Variants in MED4 observed in about 807,000 individuals in gnomAD.
MED4 encodes the protein mediator of RNA polymerase II transcription subunit 4.
In MED4, 21 loss-of-function variants were observed where a neutral mutation model predicts 35.0. That is an observed-to-expected ratio of 0.60 (90% confidence interval 0.43 to 0.86). MED4 has a LOEUF of 0.86. MED4 is among the 40% of genes least tolerant of loss of function. The probability of loss-of-function intolerance (pLI) is 0.00; values close to 1 mark genes in which losing one functional copy is unlikely to be tolerated. For synonymous variants in MED4, 138 were observed against 114.0 expected (o/e 1.21, Z -1.34); for missense variants, 300 against 319.4 (o/e 0.94, Z 0.46).
At position 48,086,374 on chromosome 13, in the gene MED4, G is replaced by T; in HGVS notation, c.271C>A (p.His91Asn). ...KLALNQGKIHHEMQVLEKEVE... is the reference protein window; with the variant it reads ...KLALNQGKIHNEMQVLEKEVE... Reference sequence around the variant, plus strand: ...TCTTTTTCTAAAACTTGCATTTCATGATGAATTTTTCCCTGATTAAGTGCC... The same window carrying T: ...TCTTTTTCTAAAACTTGCATTTCATTATGAATTTTTCCCTGATTAAGTGCC... Residue 91 changes from histidine (H) to asparagine (N), a missense_variant, in exon 3 of 7, where the codon CAT (histidine) becomes AAT (asparagine). By Grantham distance (68) the His-to-Asn change is moderately conservative. Coordinates refer to ENST00000258648, the MANE Select transcript of MED4 (RefSeq NM_014166.4). 1 of 1,613,146 alleles carries T rather than the reference G, an allele frequency of 6.2e-7. No individual in the cohort carries two copies. Among genetic ancestry groups the T allele is most frequent in the Admixed American group, 1.7e-5 (1 of 59,942 alleles).
chr13:48,083,330 C>T (rs1373458872), intron 4 of MED4, 41 bp downstream of exon 4: 1 of 1,526,018 alleles, frequency 6.6e-7, no homozygotes, highest in African/African-American at 1.4e-5. Context: ...GAAACCAGAA[C>T]CTTAACTTTT....
chr13:48,079,688 G>A lies in MED4; in HGVS notation c.640+156C>T, dbSNP rs552070849. The A allele has an allele frequency of 9.4e-5, 74 of 784,438 alleles. No individual in the cohort carries two copies. In the East Asian group the frequency reaches 1.3e-3, roughly 13 times the overall value. 48.6% of individuals were successfully genotyped at this position (784,438 alleles called of 1,614,324 possible). Reference sequence around the variant, plus strand: ...CTGGGAGCCAAGATTTCGCCAACACGCTCCAGCCTGGGTGACATAACAAGA... The same window carrying A: ...CTGGGAGCCAAGATTTCGCCAACACACTCCAGCCTGGGTGACATAACAAGA... On this transcript the variant is annotated intron_variant, in intron 6 of 6. Coordinates refer to ENST00000258648, the MANE Select transcript of MED4 (RefSeq NM_014166.4).
chr13:48,085,325 C>T (rs1950841532), intron 3 of MED4, among the ~76,000 whole-genome samples: 1 of 152,070 alleles, frequency 6.6e-6, no homozygotes, highest in Non-Finnish European at 1.5e-5. Flanking sequence ...GCACACACCA[C>T]CACACCTGGC....
Position 48,081,378 on chromosome 13 carries a change from CATT to C in MED4, c.508+264_508+266del, listed in dbSNP as rs759075596. Among the ~76,000 whole-genome samples, 9 of 152,286 alleles carry C rather than the reference CATT, an allele frequency of 5.9e-5. No individual in the cohort carries two copies. The East Asian group carries it at 1.3e-3, about 23-fold the overall frequency. On this transcript the variant is annotated intron_variant, in intron 5 of 6. Coordinates refer to ENST00000258648, the MANE Select transcript of MED4 (RefSeq NM_014166.4). The stretch of plus-strand genomic sequence containing the variant: ...TAAATCCAAAGCTTTAGAAGCATCA[CATT>C]ATTATCTCGTACTTTAAAAAATTAT...
At chr13:48,086,566 A>G in intron 2 of MED4, 114 bp from the exon 3 acceptor site, 1 of 822,596 alleles carries the variant, frequency 1.2e-6, no homozygotes, top group African/African-American at 1.8e-5. Flanking sequence ...CACCTTCAAA[A>G]TTTTATTCCT....
At chr13:48,078,332 A>G (rs998261322) in intron 6 of MED4, among the ~76,000 whole-genome samples, 3 of 152,216 alleles carry the variant, frequency 2.0e-5, no homozygotes, top group African/African-American at 7.2e-5. Flanking sequence ...AGTAGAGGGC[A>G]CAGGTGGGAC....
chr13:48,094,903 G>A (rs1394058288), intron 1 of MED4, 51 bp downstream of exon 1: 4 of 1,587,268 alleles, frequency 2.5e-6, no homozygotes, highest in South Asian at 2.2e-5. Flanking sequence ...CCGGCTCCGG[G>A]GTCAGTCCCC....
intron 2 of MED4, among the ~76,000 whole-genome samples, chr13:48,088,690 G>A (rs1950869912): frequency 6.6e-6 from 1 of 152,186 alleles, no homozygotes; most frequent in African/African-American, 2.4e-5. Context: ...ACTAAAGTCA[G>A]AAGACCTAGG....
In MED4 at chr13:48,095,045, CCTT is replaced by C. The variant is rs1950919979; in HGVS notation, c.31_33del (p.Lys11del). 6.2e-7 allele frequency: 1 copy of C among 1,605,728 alleles called. No homozygotes were observed. Among genetic ancestry groups the C allele is most frequent in the Non-Finnish European group, 8.5e-7 (1 of 1,179,916 alleles). On this transcript the variant is annotated inframe_deletion, in exon 1 of 7. Coordinates refer to ENST00000258648, the MANE Select transcript of MED4 (RefSeq NM_014166.4). ...ACTCCCAAACCGCCTCCCAGCCGCTCCTTCTCCTTCTCACCACTCGAAGACGCA... is the reference window on the plus strand; with the variant it reads ...ACTCCCAAACCGCCTCCCAGCCGCTCCTCCTTCTCACCACTCGAAGACGCA...
chr13:48,079,957 T>C lies in MED4; in HGVS notation c.527A>G (p.Tyr176Cys). 1 of 1,613,840 alleles carries C rather than the reference T, an allele frequency of 6.2e-7. No individual in the cohort carries two copies. The highest frequency in any genetic ancestry group is 8.5e-7 in the Non-Finnish European group (1 of 1,179,780). The change falls in exon 6 of 7, where the codon TAC becomes TGC. Residue 176 changes from tyrosine (Y) to cysteine (C), a missense_variant. Transcript: ENST00000258648. ...ACTTCTCATCTCTAAATCAGTTGGG[T>C]AGGGTCTCCGGGGGTCCCCTAAAAC... ...TWVPGDPRRP[Y>C]PTDLEMRSGL...
rs529254068 is a variant in MED4 at position 48,076,540 on chromosome 13, A to G, written c.*599T>C. 6.6e-5 allele frequency: 10 copies of G among 152,214 alleles called. No individual in the cohort carries two copies. The highest frequency in any genetic ancestry group is 2.2e-4 in the African/African-American group (9 of 41,506). The allele number at this position is 152,214 out of a possible 1,614,324, so 9.4% of individuals were successfully genotyped here. A position where few individuals can be genotyped will look rare whatever the true frequency, so the allele number is the denominator to read the frequency against. Reference sequence around the variant, plus strand: ...ACTGGATTTACAGAAATAATTTCCTACCTACACTGACAGTATATTTAAACT... The same window carrying G: ...ACTGGATTTACAGAAATAATTTCCTGCCTACACTGACAGTATATTTAAACT... On this transcript the variant is annotated 3_prime_UTR_variant, in exon 7 of 7. Coordinates refer to ENST00000258648, the MANE Select transcript of MED4 (RefSeq NM_014166.4).
At chr13:48,088,066 C>G (rs1384017827) in intron 2 of MED4, among the ~76,000 whole-genome samples, 4 of 152,120 alleles carry the variant, frequency 2.6e-5, no homozygotes, top group Non-Finnish European at 5.9e-5. Flanking sequence ...TTAATAGTAG[C>G]CATTACATGA....
intron 1 of MED4, among the ~76,000 whole-genome samples, chr13:48,092,233 TAG>T (rs759388895): frequency 2.2e-4 from 33 of 152,040 alleles, no homozygotes; most frequent in Non-Finnish European, 4.0e-4. Context: ...TCAGCCTCCC[TAG>T]CAGCTGGGAT....
chr13:48,087,341 G>A (rs1233126199), intron 2 of MED4, among the ~76,000 whole-genome samples: 2 of 152,024 alleles, frequency 1.3e-5, no homozygotes, highest in African/African-American at 4.8e-5. Flanking sequence ...TCCAGCCGGG[G>A]CAACAAGAGC....
intron 1 of MED4, chr13:48,093,480 A>G: frequency 2.8e-6 from 1 of 358,482 alleles, no homozygotes; most frequent in Non-Finnish European, 6.0e-6. Context: ...CATAAATGCA[A>G]GCCAGACACA....
chr13:48,085,820 A>G (rs1950844305), intron 3 of MED4, among the ~76,000 whole-genome samples: 1 of 152,204 alleles, frequency 6.6e-6, no homozygotes, highest in Non-Finnish European at 1.5e-5. Context: ...TCCTACCTAG[A>G]TGAGGATGAA....
At chr13:48,080,021 T>TA in intron 5 of MED4, 46 bp from the exon 6 acceptor site, 2 of 1,589,358 alleles carry the variant, frequency 1.3e-6, no homozygotes, top group Non-Finnish European at 1.7e-6. Flanking sequence ...TTTTAAAAAA[T>TA]AAGTGTTAAT....
chr13:48,080,352 G>A (rs528248699), intron 5 of MED4, among the ~76,000 whole-genome samples: 100 of 130,448 alleles, frequency 7.7e-4, no homozygotes, highest in African/African-American at 2.9e-3. Flanking sequence ...AGCTGAGATT[G>A]CACCACTGCA....
At chr13:48,082,449 G>A (rs1593543815) in intron 4 of MED4, among the ~76,000 whole-genome samples, 2 of 152,252 alleles carry the variant, frequency 1.3e-5, no homozygotes, top group Non-Finnish European at 2.9e-5. Context: ...ATCAAACAAC[G>A]GTCTAGAAGT....
Sources: gnomAD v4.1 joint callset for allele counts (sites outside exome capture counted in the v4.1 genomes callset) on GRCh38, gnomAD v4.1.1 for gene constraint, MANE v1.5 for transcripts, NCBI Gene and HGNC (gene_info 2026-07-23, HGNC 2026-07-21) for gene names.